STARD13: variants seen among roughly 807,000 people sequenced by gnomAD.
STARD13 encodes the protein stAR-related lipid transfer protein 13.
Under a neutral mutation model 106.4 loss-of-function variants are expected in STARD13, and 62 were observed. The observed-to-expected ratio is 0.58, with a 90% CI of 0.48 to 0.72. The LOEUF (loss-of-function observed/expected upper bound fraction) is 0.72, where lower values mean the gene tolerates loss of function less well. Among genes scored for constraint, STARD13 ranks in the 30% least tolerant of loss-of-function variants. The pLI, the probability that STARD13 is intolerant of heterozygous loss-of-function variation, is 0.00. For synonymous variants in STARD13, 565 were observed against 553.0 expected, an observed-to-expected ratio of 1.02 and a Z score of -0.31; for missense variants, 1,387 against 1,424.0, an observed-to-expected ratio of 0.97 and a Z score of 0.42.
At chr13:33,620,952 A>G in the STARD13 span, among the ~76,000 whole-genome samples, 1 of 151,870 alleles carries the variant, frequency 6.6e-6, no homozygotes, top group African/African-American at 2.4e-5. Flanking sequence ...AATAATGAAA[A>G]CACACAGTAT....
At chr13:33,414,589 G>T in the STARD13 span, among the ~76,000 whole-genome samples, 1 of 111,518 alleles carries the variant, frequency 9.0e-6, no homozygotes, top group African/African-American at 3.5e-5. Flanking sequence ...TTTTTGAAAA[G>T]AAAAAAATTA....
chr13:33,175,378 C>T (rs2138414867), intron 1 of STARD13, among the ~76,000 whole-genome samples: 1 of 152,256 alleles, frequency 6.6e-6, no homozygotes, highest in South Asian at 2.1e-4. Flanking sequence ...ACAGAGTTGA[C>T]CAGACAATTA....
At chr13:33,279,255 T>A (rs1348124581) in intron 1 of STARD13, among the ~76,000 whole-genome samples, 5 of 152,194 alleles carry the variant, frequency 3.3e-5, no homozygotes, top group Non-Finnish European at 5.9e-5. Flanking sequence ...TTTTAGGTCA[T>A]CAATTGATAC....
chr13:33,526,290 C>T, the STARD13 span, among the ~76,000 whole-genome samples: 4 of 152,024 alleles, frequency 2.6e-5, no homozygotes, highest in East Asian at 7.7e-4. Context: ...TTTTTGCAGC[C>T]ATATTCATTT....
chr13:33,630,049 T>C, the STARD13 span, among the ~76,000 whole-genome samples: 6 of 152,266 alleles, frequency 3.9e-5, no homozygotes, highest in Non-Finnish European at 7.3e-5. Context: ...TGTTATTCTT[T>C]CACATTTACA....
In STARD13 at chr13:33,153,796, G is replaced by A. The variant is rs1881605204; in HGVS notation, c.324-11423C>T. Among the ~76,000 whole-genome samples the A allele has an allele frequency of 3.3e-5, 5 of 152,348 alleles. No homozygotes were observed. The South Asian group carries it at 8.3e-4, about 25-fold the overall frequency. Reference sequence around the variant, plus strand: ...GAGAAATAACAACCAGGGGCATGATGAGTTCAACTCTTACAGACAATTCTG... The same window carrying A: ...GAGAAATAACAACCAGGGGCATGATAAGTTCAACTCTTACAGACAATTCTG... On this transcript the variant is annotated intron_variant, in intron 3 of 13. Transcript: ENST00000336934.
the STARD13 span, among the ~76,000 whole-genome samples, chr13:33,672,937 T>C: frequency 6.6e-6 from 1 of 152,240 alleles, no homozygotes; most frequent in Non-Finnish European, 1.5e-5. Context: ...CTTTTGGATG[T>C]CTTACAAGCC....
the STARD13 span, among the ~76,000 whole-genome samples, chr13:33,503,437 T>A: frequency 6.6e-6 from 1 of 152,212 alleles, no homozygotes; most frequent in Non-Finnish European, 1.5e-5. Context: ...TTGAATGTGT[T>A]TACTCTTGCT....
the STARD13 span, among the ~76,000 whole-genome samples, chr13:33,482,925 A>C: frequency 3.3e-5 from 5 of 152,212 alleles, no homozygotes; most frequent in South Asian, 1.0e-3. Flanking sequence ...GATAGGAGAG[A>C]AGCAGAAAAT....
intron 7 of STARD13, among the ~76,000 whole-genome samples, chr13:33,122,372 T>C (rs1217874475): frequency 6.6e-6 from 1 of 152,242 alleles, no homozygotes; most frequent in Non-Finnish European, 1.5e-5. Context: ...GAGGGCATAA[T>C]GTTTTTCCTT....
intron 1 of STARD13, among the ~76,000 whole-genome samples, chr13:33,295,023 A>G (rs137997840): frequency 6.6e-6 from 1 of 152,010 alleles, no homozygotes; most frequent in African/African-American, 2.4e-5. Context: ...CCCTTTCTTC[A>G]TGGTGTCAAG....
At chr13:33,244,434 A>G (rs976231936) in intron 1 of STARD13, among the ~76,000 whole-genome samples, 1 of 152,014 alleles carries the variant, frequency 6.6e-6, no homozygotes, top group Admixed American at 6.6e-5. Context: ...CCTCTAGCAG[A>G]CTTTTTACAT....
chr13:33,374,983 C>T, the STARD13 span, among the ~76,000 whole-genome samples: 1 of 152,148 alleles, frequency 6.6e-6, no homozygotes, highest in Non-Finnish European at 1.5e-5. Flanking sequence ...CTTGAGAATC[C>T]ATACCTACAA....
the STARD13 span, among the ~76,000 whole-genome samples, chr13:33,545,179 C>G: frequency 6.6e-6 from 1 of 152,090 alleles, no homozygotes; most frequent in Non-Finnish European, 1.5e-5. Context: ...AGGCTGGTCT[C>G]GAATTCCTGA....
the STARD13 span, among the ~76,000 whole-genome samples, chr13:33,629,665 T>C: frequency 0.12 from 17,566 of 152,296 alleles, 1,363 homozygotes; most frequent in Non-Finnish European, 0.17. Context: ...ATGGCATTCC[T>C]TGTTATAAGC....
intron 1 of STARD13, among the ~76,000 whole-genome samples, chr13:33,256,935 G>A (rs1008817802): frequency 2.6e-5 from 4 of 152,152 alleles, no homozygotes; most frequent in Non-Finnish European, 4.4e-5. Context: ...GCCAGATCTC[G>A]AAGGTAGTCC....
the STARD13 span, among the ~76,000 whole-genome samples, chr13:33,538,928 C>A: frequency 6.6e-6 from 1 of 152,046 alleles, no homozygotes; most frequent in Non-Finnish European, 1.5e-5. Context: ...TGCCACCATG[C>A]CGGACTAATT....
intron 1 of STARD13, among the ~76,000 whole-genome samples, chr13:33,184,934 C>A (rs1247359232): frequency 6.6e-6 from 1 of 152,154 alleles, no homozygotes; most frequent in African/African-American, 2.4e-5. Flanking sequence ...ATATAACATG[C>A]CCATACTTCT....
chr13:33,519,208 T>TTTCTCTCTTTCTTTCTTTC, the STARD13 span, among the ~76,000 whole-genome samples: 3 of 101,530 alleles, frequency 3.0e-5, no homozygotes, highest in Admixed American at 9.6e-5. Context: ...CTTGGTAATT[T>TTTCTCTCTTTCTTTCTTTC]TTTCTTTCTT....
Sources: allele counts gnomAD v4.1 joint callset (sites outside exome capture counted in the v4.1 genomes callset), GRCh38; gene constraint gnomAD v4.1.1; transcripts MANE v1.5; gene names NCBI Gene and HGNC (gene_info 2026-07-23, HGNC 2026-07-21).